Variants in COG7 observed in about 807,000 individuals in gnomAD.
The protein encoded by COG7 is component of oligomeric golgi complex 7.
In COG7, 49 loss-of-function variants were observed where a neutral mutation model predicts 91.5. The observed-to-expected ratio is 0.54, with a 90% CI of 0.43 to 0.68. The LOEUF is 0.68. COG7 is among the 30% of genes least tolerant of loss of function. The probability of loss-of-function intolerance (pLI) is 0.00; values close to 1 mark genes in which losing one functional copy is unlikely to be tolerated. For synonymous variants in COG7, 365 were observed against 388.7 expected (o/e 0.94, Z 0.72); for missense variants, 895 against 961.3 (o/e 0.93, Z 0.91).
At chr16:23,395,491 A>C (rs1963271950) in intron 14 of COG7, among the ~76,000 whole-genome samples, 1 of 152,246 alleles carries the variant, frequency 6.6e-6, no homozygotes, top group South Asian at 2.1e-4. Context: ...TAAATTTCAA[A>C]GCATTTTCTC....
intron 7 of COG7, among the ~76,000 whole-genome samples, chr16:23,422,477 AT>A (rs1486421855): frequency 6.7e-6 from 1 of 148,958 alleles, no homozygotes; most frequent in Non-Finnish European, 1.5e-5. Flanking sequence ...TATAACATAT[AT>A]TATTACATGT....
chr16:23,427,296 G>A (rs928552448), intron 6 of COG7, among the ~76,000 whole-genome samples: 12 of 151,710 alleles, frequency 7.9e-5, no homozygotes, highest in Admixed American at 4.6e-4. Context: ...TAGGCGCGGC[G>A]GCTCACGCCT....
intron 11 of COG7, among the ~76,000 whole-genome samples, chr16:23,409,088 T>TGTGTGTGTGTGTGCACGC (rs567307217): frequency 6.8e-6 from 1 of 147,806 alleles, no homozygotes; most frequent in African/African-American, 2.5e-5. Flanking sequence ...TGTGTGTGTG[T>TGTGTGTGTGTGTGCACGC]GCGTGCATGT....
rs745699956 is a variant in COG7, at chr16:23,417,080, G to A, written c.1179C>T (p.His393=). 1.9e-6 allele frequency: 3 copies of A among 1,614,234 alleles called. No homozygotes were observed. The highest frequency in any genetic ancestry group is 1.7e-6 in the Non-Finnish European group (2 of 1,180,042). ...EVIDCVQELS[H]SVNKLFGLAS... ...CCAGACCAAACAGCTTGTTCACGGA[G>A]TGGCTCAGCTCCTGCACACAGTCAA... is the stretch of plus-strand genomic sequence containing the variant. Residue 393 remains histidine, a synonymous_variant, in exon 9 of 17, where the codon CAC becomes CAT. Transcript: ENST00000307149.
Position 23,433,098 on chromosome 16 carries a change from T to C in COG7, c.810+447A>G, listed in dbSNP as rs375935349. ...TTAAACCATTTAACTGGTTATCGTT[T>C]TTTCTTTTGTTGTTTGTTTGTTTGA... is the stretch of plus-strand genomic sequence containing the variant. On this transcript the variant is annotated intron_variant, in intron 6 of 16. Coordinates refer to ENST00000307149, the MANE Select transcript of COG7 (RefSeq NM_153603.4). Among the ~76,000 whole-genome samples the C allele has an allele frequency of 3.3e-5, 5 of 152,274 alleles. No individual in the cohort carries two copies. In the East Asian group the frequency reaches 5.8e-4, roughly 18 times the overall value.
At chr16:23,434,924 C>A (rs1567344025) in intron 4 of COG7, among the ~76,000 whole-genome samples, 1 of 152,118 alleles carries the variant, frequency 6.6e-6, no homozygotes, top group Non-Finnish European at 1.5e-5. Flanking sequence ...CCCCACTGTT[C>A]CTCACAGAAT....
chr16:23,436,726 C>CA (rs1037566617), intron 4 of COG7, among the ~76,000 whole-genome samples: 4 of 151,486 alleles, frequency 2.6e-5, no homozygotes, highest in East Asian at 1.9e-4. Flanking sequence ...GACTCTGTCT[C>CA]AAAAAAAATA....
At chr16:23,419,748 CAAAAAA>C (rs60636268) in intron 7 of COG7, among the ~76,000 whole-genome samples, 1 of 55,240 alleles carries the variant, frequency 1.8e-5, no homozygotes. Context: ...GACTTCATCT[CAAAAAA>C]AAAAAAAAAA....
At chr16:23,422,785 G>A (rs1963779456) in intron 7 of COG7, among the ~76,000 whole-genome samples, 1 of 152,064 alleles carries the variant, frequency 6.6e-6, no homozygotes, top group South Asian at 2.1e-4. Context: ...GCTTACACCT[G>A]TAATCTCAGT....
rs919203721 is a variant in COG7 at position 23,388,742 on chromosome 16, C to A, written c.*178G>T. The A allele has an allele frequency of 2.8e-6, 3 of 1,089,502 alleles. No homozygotes were observed. Among genetic ancestry groups the A allele is most frequent in the African/African-American group, 1.6e-5 (1 of 62,522 alleles). The allele number at this position is 1,089,502 out of a possible 1,614,324, so 67.5% of individuals were successfully genotyped here. A position where few individuals can be genotyped will look rare whatever the true frequency, so the allele number is the denominator to read the frequency against. ...GTCTCGAACTCCTGGCTTCATGATC[C>A]ATCTGGCTTGGCCTCCCAAAGTGCT... On this transcript the variant is annotated 3_prime_UTR_variant, in exon 17 of 17. Coordinates refer to ENST00000307149, the MANE Select transcript of COG7 (RefSeq NM_153603.4).
intron 7 of COG7, among the ~76,000 whole-genome samples, chr16:23,422,182 T>A (rs1963769126): frequency 6.6e-6 from 1 of 152,046 alleles, no homozygotes; most frequent in Admixed American, 6.6e-5. Context: ...CTTGGTGGCA[T>A]GTGCCCGTGG....
intron 4 of COG7, among the ~76,000 whole-genome samples, chr16:23,442,228 G>A (rs1354825408): frequency 1.3e-5 from 2 of 151,868 alleles, no homozygotes; most frequent in South Asian, 2.1e-4. Flanking sequence ...CAGCTACTCG[G>A]GAGGCTGAGG....
intron 4 of COG7, among the ~76,000 whole-genome samples, chr16:23,439,639 G>A (rs556587709): frequency 2.4e-4 from 36 of 152,298 alleles, no homozygotes; most frequent in Admixed American, 2.2e-3. Flanking sequence ...GAGGCATGTA[G>A]AGTAGTCAAA....
intron 13 of COG7, among the ~76,000 whole-genome samples, chr16:23,401,832 A>C (rs1406199989): frequency 2.0e-5 from 3 of 151,926 alleles, no homozygotes; most frequent in Non-Finnish European, 1.5e-5. Flanking sequence ...GAGGTGGGTG[A>C]ATCACTGGAG....
chr16:23,409,090 C>CGCGCGT (rs1963519165), intron 11 of COG7, among the ~76,000 whole-genome samples: 2 of 86,290 alleles, frequency 2.3e-5, no homozygotes, highest in South Asian at 7.6e-4. Context: ...TGTGTGTGTG[C>CGCGCGT]GTGCATGTGT....
intron 14 of COG7, 94 bp downstream of exon 14, chr16:23,397,952 A>G: frequency 9.3e-7 from 1 of 1,071,650 alleles, no homozygotes; most frequent in South Asian, 1.3e-5. Flanking sequence ...GTCAGATAGC[A>G]CCCATGGGGA....
intron 1 of COG7, among the ~76,000 whole-genome samples, chr16:23,448,663 T>C (rs560811139): frequency 6.6e-6 from 1 of 152,132 alleles, no homozygotes; most frequent in African/African-American, 2.4e-5. Context: ...CGCCTTCTTA[T>C]AGCCACACTC....
intron 3 of COG7, among the ~76,000 whole-genome samples, chr16:23,443,336 A>C (rs1964131983): frequency 1.3e-5 from 2 of 152,200 alleles, no homozygotes; most frequent in Non-Finnish European, 2.9e-5. Context: ...GCATGAGGCC[A>C]GGAGTTCAAG....
intron 1 of COG7, among the ~76,000 whole-genome samples, chr16:23,449,380 T>A (rs7195170): frequency 1.3e-3 from 180 of 134,692 alleles, no homozygotes; most frequent in African/African-American, 3.7e-3. Context: ...TAAAATTAAA[T>A]TAAAATAAAA....
Sources: allele counts gnomAD v4.1 joint callset (sites outside exome capture counted in the v4.1 genomes callset), GRCh38; gene constraint gnomAD v4.1.1; transcripts MANE v1.5; gene names NCBI Gene and HGNC (gene_info 2026-07-23, HGNC 2026-07-21).